The following NCAM1 variants were observed in gnomAD, a reference collection of about 807,000 sequenced individuals.
The protein encoded by NCAM1 is neural cell adhesion molecule 1, also known as antigen recognized by monoclonal antibody 5.1H11.
In NCAM1, 14 loss-of-function variants were observed where a neutral mutation model predicts 109.8. That is an observed-to-expected ratio of 0.13 (90% CI 0.08 to 0.20). The LOEUF is 0.20. Among genes scored for constraint, NCAM1 ranks in the 10% least tolerant of loss-of-function variants. NCAM1 has a pLI of 1.00. For synonymous variants in NCAM1, 418 were observed against 442.9 expected (o/e 0.94, Z 0.70); for missense variants, 774 against 1,109.9 (o/e 0.70, Z 4.30).
chr11:113,040,539 A>G (rs1279958374), intron 1 of NCAM1, among the ~76,000 whole-genome samples: 1 of 152,254 alleles, frequency 6.6e-6, no homozygotes, highest in Non-Finnish European at 1.5e-5. Context: ...CTTTATGTAC[A>G]AAAACAGAAG....
chr11:113,173,085 T>C (rs559171164), intron 1 of NCAM1, among the ~76,000 whole-genome samples: 1 of 152,298 alleles, frequency 6.6e-6, no homozygotes, highest in South Asian at 2.1e-4. Context: ...AGCAATGGCT[T>C]CTCGTTGTAC....
chr11:113,261,650 T>C (rs1209764589), intron 17 of NCAM1, among the ~76,000 whole-genome samples: 1 of 152,192 alleles, frequency 6.6e-6, no homozygotes, highest in African/African-American at 2.4e-5. Context: ...TGCCCCTTCT[T>C]TCTCTCCATT....
chr11:113,182,244 CACTCTCCT>C, intron 1 of NCAM1, among the ~76,000 whole-genome samples: 1 of 152,200 alleles, frequency 6.6e-6, no homozygotes, highest in East Asian at 1.9e-4. Flanking sequence ...TCTCCAAGCT[CACTCTCCT>C]ACCAGATGGC....
chr11:113,242,957 T>C (rs1945378244), intron 14 of NCAM1: 1 of 1,581,894 alleles, frequency 6.3e-7, no homozygotes, highest in East Asian at 2.3e-5. Flanking sequence ...AAGCAACAGT[T>C]GTGAATGCAT....
intron 1 of NCAM1, among the ~76,000 whole-genome samples, chr11:113,163,299 A>G (rs1401370858): frequency 6.6e-6 from 1 of 152,208 alleles, no homozygotes; most frequent in African/African-American, 2.4e-5. Flanking sequence ...AGTCTGGAAA[A>G]AAAACCACCC....
chr11:113,070,562 G>A (rs782084919), intron 1 of NCAM1, among the ~76,000 whole-genome samples: 1 of 152,096 alleles, frequency 6.6e-6, no homozygotes, highest in Non-Finnish European at 1.5e-5. Flanking sequence ...AATGATGGAC[G>A]GGATCGCAGA....
intron 1 of NCAM1, among the ~76,000 whole-genome samples, chr11:113,191,773 G>GTA (rs10552025): frequency 0.016 from 2,251 of 139,262 alleles, 52 homozygotes; most frequent in East Asian, 0.14. Context: ...GTGTGTGTGT[G>GTA]TATATATATA....
intron 1 of NCAM1, among the ~76,000 whole-genome samples, chr11:113,024,932 G>A (rs1459472991): frequency 6.6e-6 from 1 of 152,204 alleles, no homozygotes; most frequent in Admixed American, 6.5e-5. Context: ...GTAGTCTTCT[G>A]AACCATCTGT....
intron 1 of NCAM1, among the ~76,000 whole-genome samples, chr11:113,046,697 G>A (rs1555080900): frequency 6.6e-6 from 1 of 151,716 alleles, no homozygotes; most frequent in African/African-American, 2.4e-5. Context: ...CAGACAGAAA[G>A]ACAGATGAAC....
chr11:112,977,050 G>A (rs1555067810), intron 1 of NCAM1, among the ~76,000 whole-genome samples: 1 of 151,506 alleles, frequency 6.6e-6, no homozygotes, highest in African/African-American at 2.4e-5. Context: ...GATGAGACAA[G>A]TGAAATCTTT....
Position 113,202,368 on chromosome 11 carries a change from T to TGTTTTGTTTC in NCAM1, c.53-6_53-5insGTTTCGTTTT, listed in dbSNP as rs1289706940. 53 of 1,610,716 alleles carry TGTTTTGTTTC rather than the reference T, an allele frequency of 3.3e-5. No individual in the cohort carries two copies. The highest frequency in any genetic ancestry group is 4.5e-5 in the Non-Finnish European group (53 of 1,178,906). ...TTTTTTGTTTTGTTTTGTTTTGTTT[T>TGTTTTGTTTC]GTTTTTTCAGTTTCTCTGCAGGTGG... On this transcript the variant is annotated splice_polypyrimidine_tract_variant and intron_variant, in intron 1 of 19. Coordinates refer to ENST00000316851, the MANE Select transcript of NCAM1 (RefSeq NM_181351.5).
chr11:113,275,418 TAAAAA>T lies in NCAM1; in HGVS notation c.*32_*36del. ...GAAGAGAACCGAGCAAAGATCAAAATAAAAAGTGACACAGCAGCTTCACCAGAGCA... is the reference window on the plus strand; with the variant it reads ...GAAGAGAACCGAGCAAAGATCAAAATGTGACACAGCAGCTTCACCAGAGCA... On this transcript the variant is annotated 3_prime_UTR_variant, in exon 20 of 20. Coordinates refer to ENST00000316851, the MANE Select transcript of NCAM1 (RefSeq NM_181351.5). 1 of 1,600,548 alleles carries T rather than the reference TAAAAA, an allele frequency of 6.2e-7. No individual in the cohort carries two copies. The highest frequency in any genetic ancestry group is 8.5e-7 in the Non-Finnish European group (1 of 1,173,482).
At chr11:113,164,515 G>C (rs782056935) in intron 1 of NCAM1, among the ~76,000 whole-genome samples, 8 of 152,118 alleles carry the variant, frequency 5.3e-5, no homozygotes, top group Admixed American at 2.0e-4. Context: ...CATTAATCAG[G>C]GTTCCCACAA....
chr11:113,142,079 G>A (rs1032907954), intron 1 of NCAM1, among the ~76,000 whole-genome samples: 9 of 152,122 alleles, frequency 5.9e-5, no homozygotes, highest in Non-Finnish European at 1.2e-4. Context: ...AGTCAAACAC[G>A]TTGATTCTAG....
At chr11:113,007,166 G>C (rs571678045) in intron 1 of NCAM1, among the ~76,000 whole-genome samples, 2 of 152,242 alleles carry the variant, frequency 1.3e-5, no homozygotes, top group African/African-American at 2.4e-5. Flanking sequence ...GAAGGGAGCA[G>C]GGGAATGTAA....
At position 113,246,042 on chromosome 11, in the gene NCAM1, T is replaced by C. The variant is rs149954780; in HGVS notation, c.1826-326T>C. The C allele has an allele frequency of 2.1e-3, 861 of 407,732 alleles. 13 individuals are homozygous for C. The East Asian group carries it at 0.029, about 14-fold the overall frequency. The allele number at this position is 407,732 out of a possible 1,614,324, so 25.3% of individuals were successfully genotyped here. A position where few individuals can be genotyped will look rare whatever the true frequency, so the allele number is the denominator to read the frequency against. On this transcript the variant is annotated intron_variant, in intron 14 of 19. Transcript: ENST00000316851. The stretch of plus-strand genomic sequence containing the variant: ...CTCCTGATGTGGTATTAATATGTAG[T>C]GTTGCAGCCGTAGCTAATGCTTATT...
At chr11:113,164,440 A>G (rs543054535) in intron 1 of NCAM1, among the ~76,000 whole-genome samples, 1 of 152,214 alleles carries the variant, frequency 6.6e-6, no homozygotes, top group East Asian at 1.9e-4. Context: ...GTCCCACGAG[A>G]CTGCCCTCAC....
At chr11:113,182,916 C>T (rs551860521) in intron 1 of NCAM1, among the ~76,000 whole-genome samples, 6 of 152,272 alleles carry the variant, frequency 3.9e-5, no homozygotes, top group Admixed American at 6.5e-5. Flanking sequence ...GGGCCTGGGC[C>T]GCAGATTGGA....
intron 8 of NCAM1, among the ~76,000 whole-genome samples, chr11:113,216,155 T>TC (rs1944522489): frequency 6.8e-6 from 1 of 146,112 alleles, no homozygotes; most frequent in Non-Finnish European, 1.5e-5. Flanking sequence ...CATTTTTTTT[T>TC]TTTTTTTTTT....
Sources: gnomAD v4.1 joint callset for allele counts (sites outside exome capture counted in the v4.1 genomes callset) on GRCh38, gnomAD v4.1.1 for gene constraint, MANE v1.5 for transcripts, NCBI Gene and HGNC (gene_info 2026-07-23, HGNC 2026-07-21) for gene names.